The following FBXL20 variants were observed in gnomAD, a reference collection of about 807,000 sequenced individuals.
The protein encoded by FBXL20 is F-box/LRR-repeat protein 20.
Under a neutral mutation model 64.0 loss-of-function variants are expected in FBXL20, and 11 were observed. The observed-to-expected ratio is 0.17, with a 90% CI of 0.11 to 0.28. The LOEUF is 0.28. FBXL20 is among the 10% of genes least tolerant of loss of function. FBXL20 has a pLI of 1.00. For missense variants in FBXL20, 303 were observed against 526.2 expected (o/e 0.58, Z 4.15); for synonymous variants, 184 against 189.0 (o/e 0.97, Z 0.22).
Position 39,299,172 on chromosome 17 carries a change from A to C in FBXL20, c.235-88T>G, listed in dbSNP as rs771445876. 2.0e-4 allele frequency: 190 copies of C among 945,172 alleles called. 1 individual carries two copies. The highest frequency in any genetic ancestry group is 2.4e-4 in the Non-Finnish European group (150 of 618,944). 58.5% of individuals were successfully genotyped at this position (945,172 alleles called of 1,614,324 possible). ...ACTCATTTTTAACGATTTATAAACA[A>C]AGAGAAAATGCTTCTATTATGACCT... is the stretch of plus-strand genomic sequence containing the variant. On this transcript the variant is annotated intron_variant, in intron 4 of 14. Coordinates refer to ENST00000264658, the MANE Select transcript of FBXL20 (RefSeq NM_032875.3).
At chr17:39,271,258 T>C (rs2046840756) in intron 10 of FBXL20, among the ~76,000 whole-genome samples, 1 of 152,176 alleles carries the variant, frequency 6.6e-6, no homozygotes, top group African/African-American at 2.4e-5. Context: ...AATTATTTTC[T>C]TTCCTGTTTT....
At chr17:39,352,679 T>C (rs1483900132) in intron 1 of FBXL20, among the ~76,000 whole-genome samples, 1 of 114,038 alleles carries the variant, frequency 8.8e-6, no homozygotes, top group East Asian at 2.4e-4. Flanking sequence ...AAGCTCTGTC[T>C]GGGAAAAAAA....
Position 39,252,841 on chromosome 17 carries a change from A to AT in FBXL20, c.*8618dup. ...TCTACTGCCACCTCGGATTTTATTT[A>AT]TTTTAAATAATCCCCCTCCCCCCAT... On this transcript the variant is annotated 3_prime_UTR_variant, in exon 15 of 15. Transcript: ENST00000264658. 7.1e-6 allele frequency: 1 copy of AT among 141,430 alleles called. No homozygotes were observed. The highest frequency in any genetic ancestry group is 2.1e-4 in the East Asian group (1 of 4,782). 8.8% of individuals were successfully genotyped at this position (141,430 alleles called of 1,614,324 possible). A position where few individuals can be genotyped will look rare whatever the true frequency, so the allele number is the denominator to read the frequency against.
intron 13 of FBXL20, among the ~76,000 whole-genome samples, 162 bp from the exon 14 acceptor site, chr17:39,264,549 G>T (rs1050098321): frequency 6.6e-6 from 1 of 152,102 alleles, no homozygotes; most frequent in East Asian, 1.9e-4. Flanking sequence ...GAGATAGTGG[G>T]GTTATGCTTT....
At chr17:39,313,817 T>C (rs1290553057) in intron 2 of FBXL20, among the ~76,000 whole-genome samples, 1 of 152,006 alleles carries the variant, frequency 6.6e-6, no homozygotes, top group African/African-American at 2.4e-5. Flanking sequence ...GTATTTTAAG[T>C]AGAGATGCGG....
chr17:39,386,955 G>A (rs1390455709), intron 1 of FBXL20, among the ~76,000 whole-genome samples: 1 of 152,140 alleles, frequency 6.6e-6, no homozygotes, highest in Non-Finnish European at 1.5e-5. Flanking sequence ...GCCAGATCAT[G>A]TAAAGAAAAG....
chr17:39,386,024 C>CAAAAA (rs35967171), intron 1 of FBXL20, among the ~76,000 whole-genome samples: 1 of 39,624 alleles, frequency 2.5e-5, no homozygotes, highest in African/African-American at 9.8e-5. Context: ...GATTCCGTCT[C>CAAAAA]AAAAAAAAAA....
chr17:39,371,087 A>ACATGC, intron 1 of FBXL20, among the ~76,000 whole-genome samples: 1 of 151,678 alleles, frequency 6.6e-6, no homozygotes. Context: ...GCGTGGTGGC[A>ACATGC]CATGCCTGTA....
At chr17:39,287,005 T>C (rs2046994881) in intron 6 of FBXL20, among the ~76,000 whole-genome samples, 1 of 147,990 alleles carries the variant, frequency 6.8e-6, no homozygotes, top group South Asian at 2.3e-4. Context: ...CTCCGCCTCC[T>C]GGGTTCAAGC....
chr17:39,300,028 C>CAG (rs1434094867), intron 4 of FBXL20, among the ~76,000 whole-genome samples: 2 of 151,088 alleles, frequency 1.3e-5, no homozygotes, highest in Non-Finnish European at 2.9e-5. Flanking sequence ...ACCCAGGAGG[C>CAG]AGAGGTTGCA....
intron 1 of FBXL20, among the ~76,000 whole-genome samples, chr17:39,369,135 T>C (rs1597824745): frequency 6.6e-6 from 1 of 152,196 alleles, no homozygotes; most frequent in South Asian, 2.1e-4. Flanking sequence ...AAAAGTACTA[T>C]GCAATAGTTT....
At chr17:39,299,280 T>A (rs1446025086) in intron 4 of FBXL20, among the ~76,000 whole-genome samples, 196 bp from the exon 5 acceptor site, 1 of 152,212 alleles carries the variant, frequency 6.6e-6, no homozygotes, top group Non-Finnish European at 1.5e-5. Context: ...AAACCCCATA[T>A]TCTTATTTTG....
intron 2 of FBXL20, among the ~76,000 whole-genome samples, chr17:39,320,593 T>TG (rs2047345810): frequency 1.3e-5 from 1 of 77,118 alleles, no homozygotes. Flanking sequence ...CTAGTATGAA[T>TG]TTTTTTTTTT....
intron 1 of FBXL20, among the ~76,000 whole-genome samples, chr17:39,374,777 T>C (rs2047951060): frequency 6.6e-6 from 1 of 152,076 alleles, no homozygotes; most frequent in African/African-American, 2.4e-5. Flanking sequence ...CAGCTCAAGC[T>C]ACTTTTCTTT....
At chr17:39,320,617 A>G (rs903925339) in intron 2 of FBXL20, among the ~76,000 whole-genome samples, 2 of 140,978 alleles carry the variant, frequency 1.4e-5, no homozygotes, top group African/African-American at 5.5e-5. Flanking sequence ...TTTTTGAGAT[A>G]GAGTTTTACT....
At chr17:39,315,837 G>C (rs1047474886) in intron 2 of FBXL20, among the ~76,000 whole-genome samples, 13 of 77,016 alleles carry the variant, frequency 1.7e-4, no homozygotes, top group Admixed American at 2.7e-4. Context: ...GACAGAGAGA[G>C]AGAGAGAGAG....
chr17:39,270,691 A>G (rs980317138), intron 11 of FBXL20, 105 bp downstream of exon 11: 30 of 957,658 alleles, frequency 3.1e-5, no homozygotes, highest in East Asian at 2.9e-4. Flanking sequence ...CACTCACCCA[A>G]TTCTGCTACC....
At chr17:39,317,929 C>CTGACCTAG (rs1360246017) in intron 2 of FBXL20, among the ~76,000 whole-genome samples, 1 of 150,898 alleles carries the variant, frequency 6.6e-6, no homozygotes, top group African/African-American at 2.4e-5. Context: ...TCTCGATCTC[C>CTGACCTAG]TGACCTAGTG....
In FBXL20 at chr17:39,301,791, G is replaced by A. The variant is rs148136473; in HGVS notation, c.160-716C>T. ...ACACAACTGTAGTCCCAGCTATTCG[G>A]GAGGCTGAGGTGGGAGGTGAGCCAG... On this transcript the variant is annotated intron_variant, in intron 3 of 14. Coordinates refer to ENST00000264658, the MANE Select transcript of FBXL20 (RefSeq NM_032875.3). 2.2e-3 allele frequency among the ~76,000 whole-genome samples: 342 copies of A among 152,088 alleles called. 2 individuals carry two copies. The highest frequency in any genetic ancestry group is 7.8e-3 in the African/African-American group (323 of 41,514).
Sources: gnomAD v4.1 joint callset for allele counts (sites outside exome capture counted in the v4.1 genomes callset) on GRCh38, gnomAD v4.1.1 for gene constraint, MANE v1.5 for transcripts, NCBI Gene and HGNC (gene_info 2026-07-23, HGNC 2026-07-21) for gene names.